KIAA1217: variants seen among roughly 807,000 people sequenced by gnomAD.
KIAA1217 encodes sickle tail protein homolog.
Under a neutral mutation model 163.9 loss-of-function variants are expected in KIAA1217, and 88 were observed. The ratio of observed to expected loss-of-function variants is 0.54; its 90% CI spans 0.45 to 0.64. The LOEUF (loss-of-function observed/expected upper bound fraction) is 0.64, where lower values mean the gene tolerates loss of function less well. Among genes scored for constraint, KIAA1217 ranks in the 30% least tolerant of loss-of-function variants. The pLI is 0.00. For synonymous variants in KIAA1217, 903 were observed against 923.1 expected, an observed-to-expected ratio of 0.98 and a Z score of 0.39; for missense variants, 2,372 against 2,475.0, an observed-to-expected ratio of 0.96 and a Z score of 0.88.
intron 9 of KIAA1217, among the ~76,000 whole-genome samples, chr10:24,503,403 CA>C (rs1228753657): frequency 2.0e-5 from 3 of 152,202 alleles, no homozygotes; most frequent in Non-Finnish European, 2.9e-5. Context: ...TCTCGCTTTG[CA>C]ATTTTAAAGA....
chr10:23,766,587 C>CTTTTTTTTTTTTTTTTTTT (rs766892555), intron 1 of KIAA1217, among the ~76,000 whole-genome samples: 11 of 133,748 alleles, frequency 8.2e-5, no homozygotes, highest in African/African-American at 1.5e-4. Flanking sequence ...TTCTTTCTTT[C>CTTTTTTTTTTTTTTTTTTT]TTTTTTCTTT....
At chr10:24,062,709 G>A (rs933474382) in intron 2 of KIAA1217, among the ~76,000 whole-genome samples, 28 of 151,948 alleles carry the variant, frequency 1.8e-4, no homozygotes, top group East Asian at 3.9e-4. Flanking sequence ...CTGAGGAATC[G>A]CCACACTGAC....
intron 8 of KIAA1217, among the ~76,000 whole-genome samples, chr10:24,500,094 C>T (rs1008688815): frequency 3.3e-5 from 5 of 152,214 alleles, no homozygotes; most frequent in Middle Eastern, 3.2e-3. Context: ...ACTATAGCCA[C>T]TCCAGGGTCT....
Position 24,473,560 on chromosome 10 carries a change from T to C in KIAA1217, c.1179T>C (p.Tyr393=), listed in dbSNP as rs1196032921. The C allele has an allele frequency of 6.2e-7, 1 of 1,614,190 alleles. No homozygotes were observed. Among genetic ancestry groups the C allele is most frequent in the Non-Finnish European group, 8.5e-7 (1 of 1,180,036 alleles). ...CAATGTACAGAAATGAGGGTTTCTATGCTGATCCTTACCTTTATCACGAGG... is the reference window on the plus strand; with the variant it reads ...CAATGTACAGAAATGAGGGTTTCTACGCTGATCCTTACCTTTATCACGAGG... ...NIAMYRNEGF[Y]ADPYLYHEGR... is the part of the protein sequence containing the mutation. Residue 393 remains tyrosine (Y), a synonymous_variant, in exon 6 of 21, where the codon TAT becomes TAC. Transcript: ENST00000376454.
chr10:24,009,663 T>C (rs182797311), intron 2 of KIAA1217, among the ~76,000 whole-genome samples: 1 of 152,270 alleles, frequency 6.6e-6, no homozygotes, highest in East Asian at 1.9e-4. Context: ...AATAGGACCC[T>C]GCAAAGTTGA....
chr10:24,416,379 T>C (rs1023156711), intron 3 of KIAA1217, among the ~76,000 whole-genome samples: 1 of 152,144 alleles, frequency 6.6e-6, no homozygotes, highest in African/African-American at 2.4e-5. Flanking sequence ...AAATAACCTG[T>C]TCATAGAGTG....
intron 2 of KIAA1217, among the ~76,000 whole-genome samples, chr10:24,085,236 A>G (rs143140736): frequency 2.1e-3 from 324 of 152,270 alleles, no homozygotes; most frequent in African/African-American, 6.8e-3. Flanking sequence ...TAAGCAAGAC[A>G]TAGATGATGA....
At chr10:24,448,686 C>A (rs934877396) in intron 5 of KIAA1217, among the ~76,000 whole-genome samples, 4 of 152,182 alleles carry the variant, frequency 2.6e-5, no homozygotes, top group African/African-American at 7.2e-5. Flanking sequence ...TGTGCCTGGC[C>A]CCTTGCTTTT....
At chr10:23,696,207 A>G (rs936505390) in intron 1 of KIAA1217, among the ~76,000 whole-genome samples, 4 of 152,186 alleles carry the variant, frequency 2.6e-5, no homozygotes, top group African/African-American at 9.7e-5. Flanking sequence ...AGGGGAAAAA[A>G]GTTCTTGGAA....
At chr10:24,538,510 AAGAG>A (rs889203367) in intron 17 of KIAA1217, among the ~76,000 whole-genome samples, 1 of 143,828 alleles carries the variant, frequency 7.0e-6, no homozygotes, top group Non-Finnish European at 1.5e-5. Context: ...AGATGAAAGA[AAGAG>A]AGAGAGATAT....
rs542334759 is a variant in KIAA1217, at chr10:23,755,378, C to T, written c.-321+60144C>T. On this transcript the variant is annotated intron_variant, in intron 1 of 18. Coordinates refer to the KIAA1217 transcript ENST00000376462. Reference sequence around the variant, plus strand: ...TAAGAGATCTGGTTTAGTCTCAACTCAGTCTCCACGCAGGCATAATAATCT... The same window carrying T: ...TAAGAGATCTGGTTTAGTCTCAACTTAGTCTCCACGCAGGCATAATAATCT... Among the ~76,000 whole-genome samples the T allele has an allele frequency of 2.5e-4, 38 of 152,312 alleles. 2 individuals carry two copies. In the South Asian group the frequency reaches 7.5e-3, roughly 30 times the overall value.
intron 2 of KIAA1217, among the ~76,000 whole-genome samples, chr10:24,190,586 T>C (rs1564808905): frequency 6.6e-6 from 1 of 152,136 alleles, no homozygotes; most frequent in Non-Finnish European, 1.5e-5. Context: ...AATCCAGAAG[T>C]TTCTCCTACC....
intron 2 of KIAA1217, among the ~76,000 whole-genome samples, chr10:24,315,126 G>A (rs16924567): frequency 0.019 from 2,926 of 152,156 alleles, 89 homozygotes; most frequent in African/African-American, 0.067. Context: ...CATGGAAAAG[G>A]TGTGCAGTAA....
chr10:24,528,007 C>G lies in KIAA1217; in HGVS notation c.2970C>G (p.Leu990=), dbSNP rs757963442. ...DHYNGKEFEK[L]LEEAQANIMK... ...ATAATGGGAAAGAGTTTGAGAAGCT[C>G]CTAGAAGAAGCTCAGGCCAATATCA... Residue 990 remains leucine, a synonymous_variant, in exon 14 of 21, where the codon CTC becomes CTG. Coordinates refer to ENST00000376454, the MANE Select transcript of KIAA1217 (RefSeq NM_019590.5). The G allele has an allele frequency of 6.2e-7, 1 of 1,613,810 alleles. No individual in the cohort carries two copies. The highest frequency in any genetic ancestry group is 8.5e-7 in the Non-Finnish European group (1 of 1,179,890).
At chr10:24,482,849 A>G (rs1353613599) in intron 6 of KIAA1217, 1 of 151,914 alleles carries the variant, frequency 6.6e-6, no homozygotes, top group African/African-American at 2.4e-5. Context: ...GTGAGATCCC[A>G]TCTCTACAAA....
intron 2 of KIAA1217, among the ~76,000 whole-genome samples, chr10:24,022,717 C>T (rs530285565): frequency 6.6e-6 from 1 of 151,550 alleles, no homozygotes; most frequent in Non-Finnish European, 1.5e-5. Flanking sequence ...GCCAAGATGT[C>T]CTTCAATAAA....
chr10:23,770,492 G>A, intron 1 of KIAA1217, among the ~76,000 whole-genome samples: 1 of 152,172 alleles, frequency 6.6e-6, no homozygotes, highest in East Asian at 1.9e-4. Context: ...GGTGGTGGAA[G>A]GGGAAAAGAC....
At chr10:24,234,605 G>A (rs778687933) in intron 2 of KIAA1217, among the ~76,000 whole-genome samples, 1 of 139,566 alleles carries the variant, frequency 7.2e-6, no homozygotes, top group Admixed American at 7.8e-5. Context: ...GTTGCAGTGA[G>A]CCGAGATCAT....
intron 3 of KIAA1217, among the ~76,000 whole-genome samples, chr10:24,404,710 G>T (rs1030062242): frequency 1.8e-4 from 27 of 151,628 alleles, no homozygotes; most frequent in Non-Finnish European, 4.0e-4. Context: ...AGCTTTGTTT[G>T]TAAGAGCCAA....
Sources: gnomAD v4.1 joint callset for allele counts (sites outside exome capture counted in the v4.1 genomes callset) on GRCh38, gnomAD v4.1.1 for gene constraint, MANE v1.5 for transcripts, NCBI Gene and HGNC (gene_info 2026-07-23, HGNC 2026-07-21) for gene names.